VSTM2L: variants seen among roughly 807,000 people sequenced by gnomAD.
VSTM2L encodes V-set and transmembrane domain-containing protein 2-like protein.
In VSTM2L, 9 loss-of-function variants were observed where a neutral mutation model predicts 19.9. The observed-to-expected ratio is 0.45, with a 90% CI of 0.27 to 0.79. VSTM2L has a LOEUF of 0.79. Ranked by LOEUF, VSTM2L falls within the 30% of genes least tolerant of loss-of-function variation. VSTM2L has a pLI of 0.15. For synonymous variants in VSTM2L, 127 were observed against 133.8 expected, an observed-to-expected ratio of 0.95 and a Z score of 0.35; for missense variants, 286 against 295.5, an observed-to-expected ratio of 0.97 and a Z score of 0.24.
intron 1 of VSTM2L, among the ~76,000 whole-genome samples, chr20:37,905,696 C>T (rs927742219): frequency 3.3e-5 from 5 of 152,258 alleles, no homozygotes; most frequent in African/African-American, 4.8e-5. Context: ...TGCCTTCCCC[C>T]GACATTGCCA....
In VSTM2L at chr20:37,924,319, G is replaced by A. The variant is rs189321589; in HGVS notation, c.122-7316G>A. On this transcript the variant is annotated intron_variant, in intron 1 of 3. Transcript: ENST00000373461. Reference sequence around the variant, plus strand: ...TGAAATCCCAGCACTTTGGGAGGCCGAGGTGGGCGGATCACCTGAGGTCAG... The same window carrying A: ...TGAAATCCCAGCACTTTGGGAGGCCAAGGTGGGCGGATCACCTGAGGTCAG... 1.5e-3 allele frequency among the ~76,000 whole-genome samples: 235 copies of A among 152,198 alleles called. 1 individual carries two copies. The highest frequency in any genetic ancestry group is 5.0e-3 in the African/African-American group (206 of 41,524).
intron 1 of VSTM2L, among the ~76,000 whole-genome samples, chr20:37,926,331 G>A (rs2072879009): frequency 6.6e-6 from 1 of 152,152 alleles, no homozygotes; most frequent in Non-Finnish European, 1.5e-5. Context: ...CAAAGTGCTG[G>A]GATTGCAGAC....
chr20:37,938,732 T>G (rs1046750640), intron 3 of VSTM2L, among the ~76,000 whole-genome samples: 1 of 152,242 alleles, frequency 6.6e-6, no homozygotes, highest in Non-Finnish European at 1.5e-5. Context: ...GATTATGATT[T>G]ACAGCTGGGT....
chr20:37,903,893 C>A (rs75735503), intron 1 of VSTM2L, among the ~76,000 whole-genome samples: 1 of 151,196 alleles, frequency 6.6e-6, no homozygotes, highest in Non-Finnish European at 1.5e-5. Context: ...TGCCAGCTGG[C>A]GCACACGCTT....
intron 1 of VSTM2L, among the ~76,000 whole-genome samples, chr20:37,911,721 C>T (rs6021823): frequency 2.6e-5 from 4 of 152,222 alleles, no homozygotes; most frequent in Non-Finnish European, 4.4e-5. Context: ...CCCTCTCCCC[C>T]ACCCTGTGCC....
intron 3 of VSTM2L, 141 bp downstream of exon 3, chr20:37,933,730 T>C (rs181135689): frequency 1.3e-6 from 1 of 744,766 alleles, no homozygotes; most frequent in Admixed American, 2.9e-5. Flanking sequence ...AAAATGGCCT[T>C]GCTCTGTTTT....
chr20:37,927,129 T>C (rs1172371620), intron 1 of VSTM2L, among the ~76,000 whole-genome samples: 1 of 152,180 alleles, frequency 6.6e-6, no homozygotes, highest in East Asian at 1.9e-4. Flanking sequence ...CACACCCAGC[T>C]AATTTTTGTA....
At position 37,944,627 on chromosome 20, in the gene VSTM2L, C is replaced by T. The variant is rs2072997893; in HGVS notation, c.*374C>T. On this transcript the variant is annotated 3_prime_UTR_variant, in exon 4 of 4. Transcript: ENST00000373461. ...CATCCTGTCCTGAGCCGGGGCCCCC[C>T]AGCCTCGCCTCCCTCCTCCTACCAT... 4 of 1,029,112 alleles carry T rather than the reference C, an allele frequency of 3.9e-6. No individual in the cohort carries two copies. The highest frequency in any genetic ancestry group is 4.7e-6 in the Non-Finnish European group (4 of 859,386). 63.7% of individuals were successfully genotyped at this position (1,029,112 alleles called of 1,614,324 possible).
intron 1 of VSTM2L, among the ~76,000 whole-genome samples, chr20:37,914,629 C>T (rs998839526): frequency 4.6e-5 from 7 of 152,028 alleles, no homozygotes; most frequent in Non-Finnish European, 1.0e-4. Flanking sequence ...CTCCCGGCTC[C>T]TGGCTCCCCT....
At chr20:37,925,900 T>G (rs2072876586) in intron 1 of VSTM2L, among the ~76,000 whole-genome samples, 1 of 152,164 alleles carries the variant, frequency 6.6e-6, no homozygotes, top group East Asian at 1.9e-4. Flanking sequence ...CTACTGGGGC[T>G]AAGGCGAGGG....
At chr20:37,919,680 C>T (rs1199715182) in intron 1 of VSTM2L, among the ~76,000 whole-genome samples, 1 of 152,232 alleles carries the variant, frequency 6.6e-6, no homozygotes, top group Non-Finnish European at 1.5e-5. Context: ...CCTTGCCACC[C>T]AGCTGAGCTG....
At chr20:37,903,950 C>T (rs941359099) in intron 1 of VSTM2L, among the ~76,000 whole-genome samples, 2 of 152,110 alleles carry the variant, frequency 1.3e-5, no homozygotes, top group South Asian at 2.1e-4. Flanking sequence ...GGTGCGCGCG[C>T]GCGCACACAC....
rs1427448891 is a variant in VSTM2L, at chr20:37,936,040, A to G, written c.342+2451A>G. ...GCTGGGAATATAGGAACAGGCCACC[A>G]TACCTAGCTAATTTTTTTTTTTTTT... On this transcript the variant is annotated intron_variant, in intron 3 of 3. Coordinates refer to ENST00000373461, the MANE Select transcript of VSTM2L (RefSeq NM_080607.3). Among the ~76,000 whole-genome samples, 3 of 143,554 alleles carry G rather than the reference A, an allele frequency of 2.1e-5. No homozygotes were observed. The East Asian group carries it at 6.2e-4, about 29-fold the overall frequency. 94.2% of individuals were successfully genotyped at this position (143,554 alleles called of 152,430 possible).
intron 1 of VSTM2L, among the ~76,000 whole-genome samples, chr20:37,909,681 C>A (rs1364873810): frequency 6.6e-6 from 1 of 152,192 alleles, no homozygotes; most frequent in Non-Finnish European, 1.5e-5. Context: ...GCTGATGGCA[C>A]CTTGCAGTGG....
chr20:37,930,905 C>T (rs1179336737), intron 1 of VSTM2L, among the ~76,000 whole-genome samples: 1 of 152,192 alleles, frequency 6.6e-6, no homozygotes, highest in Admixed American at 6.5e-5. Context: ...CCGCAGGCAA[C>T]AGGGCAGGGC....
intron 1 of VSTM2L, among the ~76,000 whole-genome samples, chr20:37,904,493 G>A (rs943191038): frequency 6.6e-6 from 1 of 152,372 alleles, no homozygotes; most frequent in Admixed American, 6.5e-5. Flanking sequence ...TGGACTGTAT[G>A]AGCCCGGCAG....
At chr20:37,925,397 G>A (rs549131780) in intron 1 of VSTM2L, among the ~76,000 whole-genome samples, 2 of 152,178 alleles carry the variant, frequency 1.3e-5, no homozygotes, top group African/African-American at 2.4e-5. Context: ...GGCTCAGAGA[G>A]GGGAGAGAGT....
At chr20:37,914,283 TATGTGTGG>T (rs977463255) in intron 1 of VSTM2L, among the ~76,000 whole-genome samples, 3 of 126,784 alleles carry the variant, frequency 2.4e-5, no homozygotes, top group African/African-American at 8.5e-5. Context: ...TCTGTGTGTA[TATGTGTGG>T]GTGTGTGGGT....
chr20:37,906,134 T>C (rs1312245562), intron 1 of VSTM2L, among the ~76,000 whole-genome samples: 4 of 151,940 alleles, frequency 2.6e-5, no homozygotes, highest in Non-Finnish European at 5.9e-5. Context: ...CCCCTCCAAC[T>C]CCATCTGAGC....
Sources: allele counts gnomAD v4.1 joint callset (sites outside exome capture counted in the v4.1 genomes callset), GRCh38; gene constraint gnomAD v4.1.1; transcripts MANE v1.5; gene names NCBI Gene and HGNC (gene_info 2026-07-23, HGNC 2026-07-21).